AMER3: variants seen among roughly 807,000 people sequenced by gnomAD.
AMER3 encodes APC membrane recruitment protein 3, also known as family with sequence similarity 123C.
For missense variants in AMER3, 1,201 were observed against 1,139.4 expected, an observed-to-expected ratio of 1.05 and a Z score of -0.78; for synonymous variants, 541 against 485.5, an observed-to-expected ratio of 1.11 and a Z score of -1.50.
rs1453642659 is a variant in AMER3, at chr2:130,763,164, C to T, written c.1092C>T (p.Ala364=). 6.2e-7 allele frequency: 1 copy of T among 1,613,540 alleles called. No homozygotes were observed. Among genetic ancestry groups the T allele is most frequent in the South Asian group, 1.1e-5 (1 of 91,078 alleles). The stretch of plus-strand genomic sequence containing the variant: ...GGGACCCTCGCAGCGGCTCCAAAGC[C>T]AGCTCCATCGACACAGGCACCCCCA... ...PCRDPRSGSK[A]SSIDTGTPKS... is the part of the protein sequence containing the mutation. The change falls in exon 2 of 2, where the codon GCC becomes GCT. Residue 364 remains alanine, a synonymous_variant. Transcript: ENST00000321420.
chr2:130,764,485 T>C lies in AMER3; in HGVS notation c.2413T>C (p.Ser805Pro). 1 of 1,599,208 alleles carries C rather than the reference T, an allele frequency of 6.3e-7. No individual in the cohort carries two copies. The highest frequency in any genetic ancestry group is 8.5e-7 in the Non-Finnish European group (1 of 1,173,570). Residue 805 changes from serine (S) to proline (P), a missense_variant, in exon 2 of 2, where the codon TCC (serine) becomes CCC (proline). Transcript: ENST00000321420. ...PRSAPAARWS[S>P]QGHHPESLGL... ...CTCAGCCCCTGCTGCCCGGTGGAGT[T>C]CCCAGGGCCACCATCCAGAAAGCCT...
chr2:130,761,981 G>A (rs1678792076), intron 1 of AMER3, 73 bp from the exon 2 acceptor site: 7 of 1,375,594 alleles, frequency 5.1e-6, no homozygotes, highest in Non-Finnish European at 6.9e-6. Context: ...TGTGTGAGAG[G>A]GGTAGGCAGG....
At position 130,762,062 on chromosome 2, in the gene AMER3, G is replaced by T. The variant is rs553466474; in HGVS notation, c.-11G>T. The stretch of plus-strand genomic sequence containing the variant: ...CCTGCTTTCCTCCACAGCAGCTGGG[G>T]CACTGGCAGCATGGAGCTGAAGAGA... On this transcript the variant is annotated 5_prime_UTR_variant, in exon 2 of 2. Transcript: ENST00000321420. The T allele has an allele frequency of 5.8e-4, 936 of 1,607,738 alleles. 12 individuals carry two copies. The South Asian group carries it at 9.6e-3, about 16-fold the overall frequency.
rs1000126975 is a variant in AMER3 at position 130,765,853 on chromosome 2, T to G, written c.*1195T>G. The G allele has an allele frequency of 1.2e-5, 2 of 166,994 alleles. No individual in the cohort carries two copies. The highest frequency in any genetic ancestry group is 2.9e-5 in the Non-Finnish European group (2 of 68,124). 10.3% of individuals were successfully genotyped at this position (166,994 alleles called of 1,614,324 possible). On this transcript the variant is annotated 3_prime_UTR_variant, in exon 2 of 2. Coordinates refer to ENST00000321420, the MANE Select transcript of AMER3 (RefSeq NM_152698.3). ...ATCTTCCACACCTAGGCCCCTCAGA[T>G]TCACACACTAATCTCTGGAAACACC...
In AMER3 at chr2:130,764,739, T is replaced by G; in HGVS notation, c.*81T>G. Reference sequence around the variant, plus strand: ...GCCTAGGACTCAAATCTCTATCTTTTGTCCCTGATGTGGGGACTGTGTTGG... The same window carrying G: ...GCCTAGGACTCAAATCTCTATCTTTGGTCCCTGATGTGGGGACTGTGTTGG... On this transcript the variant is annotated 3_prime_UTR_variant, in exon 2 of 2. Coordinates refer to ENST00000321420, the MANE Select transcript of AMER3 (RefSeq NM_152698.3). 2.0e-5 allele frequency: 27 copies of G among 1,375,622 alleles called. No homozygotes were observed. The highest frequency in any genetic ancestry group is 7.9e-5 in the East Asian group (3 of 37,792). 85.2% of individuals were successfully genotyped at this position (1,375,622 alleles called of 1,614,324 possible).
Position 130,762,809 on chromosome 2 carries a change from C to A in AMER3, c.737C>A (p.Ser246Ter). 6.2e-7 allele frequency: 1 copy of A among 1,612,924 alleles called. No homozygotes were observed. Among genetic ancestry groups the A allele is most frequent in the Non-Finnish European group, 8.5e-7 (1 of 1,179,478 alleles). Reference protein sequence around the residue: ...EDVASLQSFDSLTGCGEVFAD... With the variant: ...EDVASLQSFD ...GTGGCCTCACTCCAGAGCTTCGACT[C>A]GCTCACGGGTTGTGGGGAGGTGTTC... Residue 246 changes from serine (S) to a stop codon, truncating the protein, a stop_gained, in exon 2 of 2, where the codon TCG (serine) becomes TAG (stop). Coordinates refer to ENST00000321420, the MANE Select transcript of AMER3 (RefSeq NM_152698.3). LOFTEE classifies it low-confidence loss of function (END_TRUNC).
In AMER3 at chr2:130,762,671, C is replaced by A. The variant is rs1034530328; in HGVS notation, c.599C>A (p.Ala200Asp). ...GACCCTGGGGGGCGGCGAAGCAAAGCCTTCCTCCCCCCGGGTGAGGGGCCG... is the reference window on the plus strand; with the variant it reads ...GACCCTGGGGGGCGGCGAAGCAAAGACTTCCTCCCCCCGGGTGAGGGGCCG... The part of the protein sequence containing the change: ...PSDPGGRRSK[A>D]FLPPGEGPGL... The change falls in exon 2 of 2, where the codon GCC becomes GAC. Residue 200 changes from alanine to aspartate, a missense_variant. Physicochemically the swap from Ala to Asp is moderately radical, Grantham distance 126. Coordinates refer to ENST00000321420, the MANE Select transcript of AMER3 (RefSeq NM_152698.3). 4.3e-6 allele frequency: 7 copies of A among 1,611,092 alleles called. No homozygotes were observed. In the East Asian group the frequency reaches 1.6e-4, roughly 36 times the overall value.
rs907218134 is a variant in AMER3 at position 130,767,373 on chromosome 2, C to G, written c.*2715C>G. The G allele has an allele frequency of 1.2e-5, 2 of 166,506 alleles. No homozygotes were observed. The highest frequency in any genetic ancestry group is 4.8e-5 in the African/African-American group (2 of 41,278). 10.3% of individuals were successfully genotyped at this position (166,506 alleles called of 1,614,324 possible). ...TCGCAGGCAAAGTGCTAGGGAAATC[C>G]CATCTCATGCAGAGCTCCCACCAAG... is the stretch of plus-strand genomic sequence containing the variant. On this transcript the variant is annotated 3_prime_UTR_variant, in exon 2 of 2. Coordinates refer to ENST00000321420, the MANE Select transcript of AMER3 (RefSeq NM_152698.3).
rs893863661 is a variant in AMER3, at chr2:130,763,703, T to TG, written c.1637dup (p.Arg547GlnfsTer64). ...GCCCCTAGGGCACCCACAGAGAAGC[T>TG]GGGGGGCAGGGAGGGCCTGGCCTCA... On this transcript the variant is annotated frameshift_variant, in exon 2 of 2. Coordinates refer to ENST00000321420, the MANE Select transcript of AMER3 (RefSeq NM_152698.3). LOFTEE classifies it low-confidence loss of function (END_TRUNC). The TG allele has an allele frequency of 1.3e-6, 2 of 1,548,832 alleles. No individual in the cohort carries two copies. The highest frequency in any genetic ancestry group is 1.4e-5 in the African/African-American group (1 of 71,716).
rs117141974 is a variant in AMER3 at position 130,756,671 on chromosome 2, G to A, written c.-20+997G>A. ...AGGCCCATCTCCTTGCCCCTGGGCA[G>A]GCCAGGACCGCCCAGAGGCGCCCTC... On this transcript the variant is annotated intron_variant, in intron 1 of 1. Coordinates refer to ENST00000321420, the MANE Select transcript of AMER3 (RefSeq NM_152698.3). Among the ~76,000 whole-genome samples the A allele has an allele frequency of 9.9e-4, 151 of 152,262 alleles. 5 individuals are homozygous for A. In the East Asian group the frequency reaches 0.027, roughly 27 times the overall value.
At position 130,765,275 on chromosome 2, in the gene AMER3, T is replaced by C. The variant is rs1196209378; in HGVS notation, c.*617T>C. 6.0e-6 allele frequency: 1 copy of C among 167,160 alleles called. No homozygotes were observed. Among genetic ancestry groups the C allele is most frequent in the Non-Finnish European group, 1.5e-5 (1 of 68,268 alleles). 10.4% of individuals were successfully genotyped at this position (167,160 alleles called of 1,614,324 possible). A position where few individuals can be genotyped will look rare whatever the true frequency, so the allele number is the denominator to read the frequency against. ...ATATTTTTGGAAGCATAAACAGGTA[T>C]ACAGACAGTTACACCGGTGTGAGTT... is the stretch of plus-strand genomic sequence containing the variant. On this transcript the variant is annotated 3_prime_UTR_variant, in exon 2 of 2. Coordinates refer to ENST00000321420, the MANE Select transcript of AMER3 (RefSeq NM_152698.3).
rs755852747 is a variant in AMER3, at chr2:130,762,979, G to T, written c.907G>T (p.Ala303Ser). ...EQLASPAQNE[A>S]SDFTRFWDSV... ...GCTGGCCTCGCCCGCCCAGAATGAA[G>T]CCTCTGACTTCACCAGGTTCTGGGA... Residue 303 changes from alanine to serine, a missense_variant, in exon 2 of 2, where the codon GCC (alanine) becomes TCC (serine). Ala to Ser is a moderately conservative substitution (Grantham distance 99). Coordinates refer to ENST00000321420, the MANE Select transcript of AMER3 (RefSeq NM_152698.3). The T allele has an allele frequency of 2.6e-5, 42 of 1,613,150 alleles. No homozygotes were observed. Among genetic ancestry groups the T allele is most frequent in the Non-Finnish European group, 1.1e-5 (13 of 1,179,980 alleles).
intron 1 of AMER3, among the ~76,000 whole-genome samples, chr2:130,757,095 C>G (rs1041332335): frequency 2.0e-5 from 3 of 152,170 alleles, no homozygotes; most frequent in South Asian, 2.1e-4. Context: ...GTGTATTCCT[C>G]CAGGGTTTTT....
Position 130,767,831 on chromosome 2 carries a change from GT to G in AMER3, c.*3175del, listed in dbSNP as rs1235026849. ...AGGGTGCTGGTGTGACTTGCCCACA[GT>G]TATTAGTGTGTGAGGTGATGGGTTT... On this transcript the variant is annotated 3_prime_UTR_variant, in exon 2 of 2. Coordinates refer to ENST00000321420, the MANE Select transcript of AMER3 (RefSeq NM_152698.3). The G allele has an allele frequency of 6.0e-6, 1 of 167,208 alleles. No homozygotes were observed. The highest frequency in any genetic ancestry group is 1.5e-5 in the Non-Finnish European group (1 of 68,200). 10.4% of individuals were successfully genotyped at this position (167,208 alleles called of 1,614,324 possible).
At chr2:130,759,365 A>T (rs531300363) in intron 1 of AMER3, among the ~76,000 whole-genome samples, 9 of 152,374 alleles carry the variant, frequency 5.9e-5, no homozygotes, top group African/African-American at 2.2e-4. Flanking sequence ...AGAAACTGGT[A>T]GTTTTATTTA....
chr2:130,761,540 A>C (rs1678780222), intron 1 of AMER3, among the ~76,000 whole-genome samples: 1 of 152,198 alleles, frequency 6.6e-6, no homozygotes, highest in African/African-American at 2.4e-5. Flanking sequence ...CTCCCTGCAC[A>C]GGCACACAGT....
chr2:130,757,435 G>C (rs189014508), intron 1 of AMER3, among the ~76,000 whole-genome samples: 1 of 150,702 alleles, frequency 6.6e-6, no homozygotes, highest in African/African-American at 2.5e-5. Flanking sequence ...GTGAGAATTG[G>C]CCCGTCACTT....
intron 1 of AMER3, among the ~76,000 whole-genome samples, chr2:130,760,368 G>A (rs1265395502): frequency 6.6e-6 from 1 of 152,200 alleles, no homozygotes; most frequent in African/African-American, 2.4e-5. Flanking sequence ...TGCCCACTGG[G>A]CTATGAGGCA....
intron 1 of AMER3, among the ~76,000 whole-genome samples, chr2:130,758,365 GGAAA>G (rs990525665): frequency 1.8e-4 from 25 of 141,606 alleles, no homozygotes; most frequent in African/African-American, 6.0e-4. Flanking sequence ...AAAGAAAGAA[GGAAA>G]GAAGGAAAGA....
Sources: gnomAD v4.1 joint callset for allele counts (sites outside exome capture counted in the v4.1 genomes callset) on GRCh38, gnomAD v4.1.1 for gene constraint, MANE v1.5 for transcripts, NCBI Gene and HGNC (gene_info 2026-07-23, HGNC 2026-07-21) for gene names.